ANO10: variants seen among roughly 807,000 people sequenced by gnomAD.
ANO10 encodes the protein anoctamin-10.
In ANO10, 77 loss-of-function variants were observed where a neutral mutation model predicts 74.7. The observed-to-expected ratio is 1.03, with a 90% confidence interval of 0.86 to 1.25. The LOEUF (loss-of-function observed/expected upper bound fraction) is 1.25. ANO10 is among the 50% of genes most tolerant of loss of function. The probability of loss-of-function intolerance (pLI) is 0.00; values close to 1 mark genes in which losing one functional copy is unlikely to be tolerated. For synonymous variants in ANO10, 279 were observed against 284.9 expected (o/e 0.98, Z 0.21); for missense variants, 721 against 778.1 (o/e 0.93, Z 0.87).
chr3:43,412,923 C>T (rs574732014), intron 12 of ANO10, among the ~76,000 whole-genome samples: 20 of 152,258 alleles, frequency 1.3e-4, no homozygotes, highest in African/African-American at 4.3e-4. Flanking sequence ...TGGTGGCACA[C>T]GCCTGTAGTC....
intron 11 of ANO10, among the ~76,000 whole-genome samples, chr3:43,534,978 C>CTT (rs576349934): frequency 1.4e-5 from 2 of 144,162 alleles, no homozygotes; most frequent in Non-Finnish European, 1.5e-5. Context: ...AGATTTTTTT[C>CTT]TTTTTTTTTT....
At chr3:43,453,530 A>G (rs2074980062) in intron 11 of ANO10, among the ~76,000 whole-genome samples, 1 of 152,088 alleles carries the variant, frequency 6.6e-6, no homozygotes, top group Non-Finnish European at 1.5e-5. Context: ...TCTAAGAACC[A>G]CTGTTTAATT....
At chr3:43,480,251 AAC>A (rs1477891330) in intron 11 of ANO10, among the ~76,000 whole-genome samples, 1 of 152,236 alleles carries the variant, frequency 6.6e-6, no homozygotes, top group Non-Finnish European at 1.5e-5. Flanking sequence ...CAGAAAATGC[AAC>A]AGAGGGCCAG....
At chr3:43,502,086 T>C (rs971295740) in intron 11 of ANO10, among the ~76,000 whole-genome samples, 12 of 152,318 alleles carry the variant, frequency 7.9e-5, no homozygotes, top group African/African-American at 2.4e-4. Context: ...ACAACCACTA[T>C]GCAAAACAGT....
At chr3:43,631,764 A>G (rs1267557607) in intron 1 of ANO10, among the ~76,000 whole-genome samples, 1 of 151,926 alleles carries the variant, frequency 6.6e-6, no homozygotes, top group Non-Finnish European at 1.5e-5. Context: ...ATAAAAAAAA[A>G]AAAAGAAGAA....
At chr3:43,445,415 T>C in intron 11 of ANO10, among the ~76,000 whole-genome samples, 1 of 114,426 alleles carries the variant, frequency 8.7e-6, no homozygotes, top group South Asian at 3.6e-4. Flanking sequence ...CTATCAGTTC[T>C]AGCTTGTTAA....
chr3:43,590,249 G>A (rs1305875151), intron 4 of ANO10, among the ~76,000 whole-genome samples: 1 of 152,072 alleles, frequency 6.6e-6, no homozygotes, highest in Non-Finnish European at 1.5e-5. Context: ...TTCACAGTAG[G>A]CTAGAATAAA....
intron 11 of ANO10, among the ~76,000 whole-genome samples, chr3:43,469,645 G>T (rs1214723293): frequency 6.6e-6 from 1 of 152,090 alleles, no homozygotes; most frequent in Non-Finnish European, 1.5e-5. Flanking sequence ...ACAGTCAAAG[G>T]TTTCTTCTCC....
chr3:43,495,923 G>A (rs572715865), intron 11 of ANO10, among the ~76,000 whole-genome samples: 2 of 151,920 alleles, frequency 1.3e-5, no homozygotes, highest in African/African-American at 2.4e-5. Context: ...GGATGGTCTC[G>A]ATCTCCTGAC....
chr3:43,683,710 T>C (rs2084233859), intron 1 of ANO10, among the ~76,000 whole-genome samples: 1 of 152,200 alleles, frequency 6.6e-6, no homozygotes, highest in African/African-American at 2.4e-5. Flanking sequence ...CAAAACAGCA[T>C]GGTACTGGTA....
At chr3:43,581,767 A>T (rs1481579754) in intron 4 of ANO10, among the ~76,000 whole-genome samples, 2 of 130,482 alleles carry the variant, frequency 1.5e-5, no homozygotes, top group African/African-American at 5.6e-5. Flanking sequence ...CAAAAAATTT[A>T]AAAATTAGCT....
At chr3:43,503,580 A>G (rs1424925500) in intron 11 of ANO10, among the ~76,000 whole-genome samples, 1 of 152,242 alleles carries the variant, frequency 6.6e-6, no homozygotes, top group Non-Finnish European at 1.5e-5. Context: ...CAAGGAAGAC[A>G]GCTCACTCCC....
chr3:43,537,558 A>G (rs1385009675), intron 11 of ANO10, among the ~76,000 whole-genome samples: 2 of 151,046 alleles, frequency 1.3e-5, no homozygotes, highest in African/African-American at 4.9e-5. Context: ...CTCCTGCTCC[A>G]TCCACCAGAG....
chr3:43,596,697 G>C, intron 4 of ANO10, among the ~76,000 whole-genome samples: 1 of 152,142 alleles, frequency 6.6e-6, no homozygotes, highest in East Asian at 1.9e-4. Context: ...CAGGACATAG[G>C]CATGGGCAAG....
intron 11 of ANO10, among the ~76,000 whole-genome samples, chr3:43,460,016 A>C (rs2075309293): frequency 6.6e-6 from 1 of 152,234 alleles, no homozygotes; most frequent in Admixed American, 6.5e-5. Context: ...ATTTCCATTT[A>C]TCTCTCATAT....
chr3:43,498,935 C>A (rs1002883896), intron 11 of ANO10, among the ~76,000 whole-genome samples: 2 of 152,146 alleles, frequency 1.3e-5, no homozygotes, highest in Admixed American at 1.3e-4. Flanking sequence ...TTCTGCAATG[C>A]GACAGTCTTG....
intron 1 of ANO10, among the ~76,000 whole-genome samples, chr3:43,666,580 T>A (rs2083995137): frequency 6.6e-6 from 1 of 152,160 alleles, no homozygotes; most frequent in South Asian, 2.1e-4. Context: ...TCTATATATC[T>A]ATCAATCAAT....
intron 12 of ANO10, among the ~76,000 whole-genome samples, chr3:43,374,932 C>A (rs2091745363): frequency 6.6e-6 from 1 of 151,930 alleles, no homozygotes; most frequent in South Asian, 2.1e-4. Context: ...ACCAGCCTAG[C>A]CAACATAGTG....
Position 43,676,632 on chromosome 3 carries a change from A to T in ANO10, c.-12+14885T>A, listed in dbSNP as rs150694820. On this transcript the variant is annotated intron_variant, in intron 1 of 3. Coordinates refer to the ANO10 transcript ENST00000413397. ...GATCTTGTCGTGATGGAAATGTTCCACATATGTATTGTTTCAGTGTCAATG... is the reference window on the plus strand; with the variant it reads ...GATCTTGTCGTGATGGAAATGTTCCTCATATGTATTGTTTCAGTGTCAATG... Among the ~76,000 whole-genome samples, 496 of 152,280 alleles carry T rather than the reference A, an allele frequency of 3.3e-3. 6 individuals are homozygous for T. The highest frequency in any genetic ancestry group is 0.012 in the African/African-American group (482 of 41,546).
Sources: gnomAD v4.1 joint callset for allele counts (sites outside exome capture counted in the v4.1 genomes callset) on GRCh38, gnomAD v4.1.1 for gene constraint, MANE v1.5 for transcripts, NCBI Gene and HGNC (gene_info 2026-07-23, HGNC 2026-07-21) for gene names.